The following DHRS9 variants were observed in gnomAD, a reference collection of about 807,000 sequenced individuals.
The protein encoded by DHRS9 is dehydrogenase/reductase SDR family member 9.
In DHRS9, 18 loss-of-function variants were observed where a neutral mutation model predicts 26.6. The ratio of observed to expected loss-of-function variants is 0.68; its 90% CI spans 0.47 to 1.00. DHRS9 has a LOEUF of 1.00. DHRS9 is among the 50% of genes least tolerant of loss of function. The pLI is 0.00. For synonymous variants in DHRS9, 134 were observed against 141.1 expected, an observed-to-expected ratio of 0.95 and a Z score of 0.36; for missense variants, 425 against 378.7, an observed-to-expected ratio of 1.12 and a Z score of -1.01.
chr2:169,085,197 T>C (rs1231575110), intron 3 of DHRS9, among the ~76,000 whole-genome samples: 1 of 152,196 alleles, frequency 6.6e-6, no homozygotes, highest in Non-Finnish European at 1.5e-5. Flanking sequence ...GGTCTATGTG[T>C]CCATTTTTAT....
At chr2:169,089,441 G>A (rs559756214) in intron 3 of DHRS9, among the ~76,000 whole-genome samples, 5 of 152,326 alleles carry the variant, frequency 3.3e-5, no homozygotes, top group South Asian at 2.1e-4. Flanking sequence ...CAGACAGAGG[G>A]TGGAGGAAAG....
intron 1 of DHRS9, chr2:169,081,055 A>G (rs1684165487): frequency 1.2e-6 from 1 of 817,454 alleles, no homozygotes; most frequent in Non-Finnish European, 1.5e-6. Flanking sequence ...TGACAGTTTG[A>G]AGATAATTGG....
At chr2:169,074,379 C>T (rs762015736) in intron 1 of DHRS9, 14 of 985,248 alleles carry the variant, frequency 1.4e-5, no homozygotes, top group East Asian at 2.3e-4. Context: ...TCTACTGCCT[C>T]GAGCCAAGAG....
At position 169,081,611 on chromosome 2, in the gene DHRS9, C is replaced by A; in HGVS notation, c.30C>A (p.Ile10=). 6.2e-7 allele frequency: 1 copy of A among 1,614,132 alleles called. No individual in the cohort carries two copies. The highest frequency in any genetic ancestry group is 8.5e-7 in the Non-Finnish European group (1 of 1,180,020). MLFWVLGLL[I]LCGFLWTRKG... ...TCTTTTGGGTGCTAGGCCTCCTAAT[C>A]CTCTGTGGTTTTCTGTGGACTCGTA... The change falls in exon 2 of 5, where the codon ATC becomes ATA. Residue 10 remains isoleucine (I), a synonymous_variant. Transcript: ENST00000674881.
chr2:169,095,259 C>T (rs1203101950), intron 4 of DHRS9, among the ~76,000 whole-genome samples: 1 of 152,136 alleles, frequency 6.6e-6, no homozygotes, highest in Admixed American at 6.5e-5. Flanking sequence ...TTGGGCCCCA[C>T]CTCATACCTC....
At chr2:169,073,381 T>C (rs4668118) in intron 1 of DHRS9, among the ~76,000 whole-genome samples, 21,870 of 152,252 alleles carry the variant, frequency 0.14, 1,694 homozygotes, top group African/African-American at 0.2. Context: ...TAAATATTTA[T>C]AGATCCTAGG....
chr2:169,077,645 T>G (rs1445010792), intron 1 of DHRS9, among the ~76,000 whole-genome samples: 1 of 152,060 alleles, frequency 6.6e-6, no homozygotes, highest in Non-Finnish European at 1.5e-5. Context: ...CATCCAAATG[T>G]AGAAACCCCT....
upstream of DHRS9, among the ~76,000 whole-genome samples, chr2:169,069,074 A>G (rs895746816): frequency 2.6e-5 from 4 of 152,052 alleles, no homozygotes; most frequent in East Asian, 7.7e-4. Context: ...TAAGACCCAT[A>G]AGTAATTCCA....
rs144173046 is a variant in DHRS9 at position 169,081,018 on chromosome 2, T to G, written c.-59-505T>G. On this transcript the variant is annotated intron_variant, in intron 1 of 4. Transcript: ENST00000674881. ...GGAAGCCAAGTTGGGAATATCTTAGTGGCAACAAAAAATGCTCTTCTTCTC... is the reference window on the plus strand; with the variant it reads ...GGAAGCCAAGTTGGGAATATCTTAGGGGCAACAAAAAATGCTCTTCTTCTC... 389 of 452,830 alleles carry G rather than the reference T, an allele frequency of 8.6e-4. 2 individuals carry two copies. The highest frequency in any genetic ancestry group is 1.0e-3 in the Non-Finnish European group (355 of 343,040). The allele number at this position is 452,830 out of a possible 1,614,324, so 28.1% of individuals were successfully genotyped here. A position where few individuals can be genotyped will look rare whatever the true frequency, so the allele number is the denominator to read the frequency against.
intron 3 of DHRS9, among the ~76,000 whole-genome samples, chr2:169,089,680 T>C (rs1320534337): frequency 6.6e-6 from 1 of 152,228 alleles, no homozygotes; most frequent in Non-Finnish European, 1.5e-5. Flanking sequence ...GCAACTTCAT[T>C]TTGCCATTTG....
rs1684191778 is a variant in DHRS9 at position 169,081,705 on chromosome 2, G to A, written c.124G>A (p.Gly42Arg). The change falls in exon 2 of 5, where the codon GGA (glycine) becomes AGA (arginine). Residue 42 changes from glycine to arginine, a missense_variant. By Grantham distance (125) the Gly-to-Arg change is moderately radical. Coordinates refer to ENST00000674881, the MANE Select transcript of DHRS9 (RefSeq NM_001376924.1). ...TATCACTGGATGTGACTCGGGCTTT[G>A]GAAACTTGGCAGCCAGAACTTTTGA... is the stretch of plus-strand genomic sequence containing the variant. ...IFITGCDSGF[G>R]NLAARTFDKK... 3 of 1,614,052 alleles carry A rather than the reference G, an allele frequency of 1.9e-6. No homozygotes were observed. Among genetic ancestry groups the A allele is most frequent in the Admixed American group, 3.3e-5 (2 of 60,004 alleles).
At chr2:169,069,746 C>T (rs533160938) in intron 1 of DHRS9, 29 bp downstream of exon 1, 1 of 985,216 alleles carries the variant, frequency 1.0e-6, no homozygotes, top group African/African-American at 1.7e-5. Context: ...GTCATTTATT[C>T]TTTTATTTAT....
intron 3 of DHRS9, among the ~76,000 whole-genome samples, chr2:169,090,175 T>C (rs1684476962): frequency 6.6e-6 from 1 of 152,222 alleles, no homozygotes; most frequent in South Asian, 2.1e-4. Context: ...AATTTCTATA[T>C]ATAGGAGGGT....
intron 3 of DHRS9, among the ~76,000 whole-genome samples, chr2:169,087,178 C>A (rs111919178): frequency 0.015 from 2,308 of 152,222 alleles, 67 homozygotes; most frequent in African/African-American, 0.053. Context: ...GTGGTTGAGC[C>A]AGCATCCAAA....
At chr2:169,078,901 A>G (rs1410079749) in intron 1 of DHRS9, among the ~76,000 whole-genome samples, 1 of 140,534 alleles carries the variant, frequency 7.1e-6, no homozygotes, top group Non-Finnish European at 1.5e-5. Flanking sequence ...TCGGCTCACT[A>G]CAACCTCCAC....
chr2:169,067,547 C>T (rs1426748292), upstream of DHRS9, among the ~76,000 whole-genome samples: 2 of 152,056 alleles, frequency 1.3e-5, no homozygotes, highest in Non-Finnish European at 2.9e-5. Flanking sequence ...ATTCCACCTA[C>T]AAACATTAAA....
intron 4 of DHRS9, among the ~76,000 whole-genome samples, chr2:169,093,081 G>T (rs149032360): frequency 2.0e-5 from 3 of 152,032 alleles, no homozygotes; most frequent in African/African-American, 7.3e-5. Flanking sequence ...TTCTTGGGTC[G>T]GTTAAAGTTT....
At chr2:169,092,799 TATTTACTATGTACTTGTC>T (rs758756993) in intron 4 of DHRS9, among the ~76,000 whole-genome samples, 2 of 152,142 alleles carry the variant, frequency 1.3e-5, no homozygotes, top group Admixed American at 1.3e-4. Context: ...AAATAGTAAA[TATTTACTATGTACTTGTC>T]ACCATTCTAA....
At position 169,076,495 on chromosome 2, in the gene DHRS9, G is replaced by A. The variant is rs113514751; in HGVS notation, c.-59-5028G>A. ...GGAGTGTCATTGTTTCTAGCTCATC[G>A]GGTAGATCTAGAAAGTTACCTATCC... is the stretch of plus-strand genomic sequence containing the variant. On this transcript the variant is annotated intron_variant, in intron 1 of 4. Coordinates refer to ENST00000674881, the MANE Select transcript of DHRS9 (RefSeq NM_001376924.1). Among the ~76,000 whole-genome samples the A allele has an allele frequency of 5.7e-3, 868 of 152,260 alleles. 9 individuals are homozygous for A. Among genetic ancestry groups the A allele is most frequent in the African/African-American group, 0.019 (799 of 41,552 alleles).
Sources: allele counts gnomAD v4.1 joint callset (sites outside exome capture counted in the v4.1 genomes callset), GRCh38; gene constraint gnomAD v4.1.1; transcripts MANE v1.5; gene names NCBI Gene and HGNC (gene_info 2026-07-23, HGNC 2026-07-21).